PDE6H: variants seen among roughly 807,000 people sequenced by gnomAD.
PDE6H encodes phosphodiesterase 6H.
Under a neutral mutation model 9.2 loss-of-function variants are expected in PDE6H, and 11 were observed. That is an observed-to-expected ratio of 1.19 (90% CI 0.75 to 1.97). The LOEUF (loss-of-function observed/expected upper bound fraction) is 1.97. Ranked by LOEUF, PDE6H falls within the 30% of genes most tolerant of loss-of-function variation. The probability of loss-of-function intolerance (pLI) is 0.00; values close to 1 mark genes in which losing one functional copy is unlikely to be tolerated. For missense variants in PDE6H, 98 were observed against 101.5 expected (o/e 0.97, Z 0.15); for synonymous variants, 36 against 33.6 (o/e 1.07, Z -0.25).
intron 1 of PDE6H, among the ~76,000 whole-genome samples, chr12:14,976,085 G>T (rs12817970): frequency 0.013 from 2,043 of 152,248 alleles, 33 homozygotes; most frequent in Admixed American, 0.022. Context: ...CTCCCAAAGT[G>T]CTGGGATTAC....
rs1048126855 is a variant in PDE6H, at chr12:14,981,656, A to C, written c.*180A>C. On this transcript the variant is annotated 3_prime_UTR_variant, in exon 4 of 4. Coordinates refer to ENST00000266395, the MANE Select transcript of PDE6H (RefSeq NM_006205.3). ...ACTGTCAGAATCTCTCTTGCAGTACAGCTCAAAATAGTGGATGCATTTCAA... is the reference window on the plus strand; with the variant it reads ...ACTGTCAGAATCTCTCTTGCAGTACCGCTCAAAATAGTGGATGCATTTCAA... The C allele has an allele frequency of 3.1e-6, 2 of 643,224 alleles. No individual in the cohort carries two copies. The highest frequency in any genetic ancestry group is 2.8e-6 in the Non-Finnish European group (1 of 355,280). The allele number at this position is 643,224 out of a possible 1,614,324, so 39.8% of individuals were successfully genotyped here. A position where few individuals can be genotyped will look rare whatever the true frequency, so the allele number is the denominator to read the frequency against.
intron 2 of PDE6H, 67 bp from the exon 3 acceptor site, chr12:14,979,112 C>A: frequency 9.9e-7 from 1 of 1,010,214 alleles, no homozygotes; most frequent in Non-Finnish European, 1.6e-6. Context: ...AGAAACTCTC[C>A]ATGTGAGTGA....
At chr12:14,979,155 T>C in intron 2 of PDE6H, 24 bp from the exon 3 acceptor site, 2 of 1,575,318 alleles carry the variant, frequency 1.3e-6, no homozygotes, top group Non-Finnish European at 8.7e-7. Flanking sequence ...TCTCAGCTAA[T>C]TTCTCCTTTA....
At chr12:14,980,980 C>T (rs1178327148) in intron 3 of PDE6H, among the ~76,000 whole-genome samples, 1 of 152,128 alleles carries the variant, frequency 6.6e-6, no homozygotes, top group Non-Finnish European at 1.5e-5. Context: ...GAGAAGAAAC[C>T]GATCTAGATT....
intron 1 of PDE6H, 28 bp downstream of exon 1, chr12:14,973,114 T>A (rs1406647825): frequency 6.6e-6 from 1 of 152,136 alleles, no homozygotes; most frequent in South Asian, 2.1e-4. Flanking sequence ...TCTGGTGAAT[T>A]TGAGCAGGAT....
At position 14,974,827 on chromosome 12, in the gene PDE6H, A is replaced by G. The variant is rs981675274; in HGVS notation, c.-42+1741A>G. 3.3e-5 allele frequency among the ~76,000 whole-genome samples: 5 copies of G among 152,248 alleles called. No homozygotes were observed. The East Asian group carries it at 9.6e-4, about 29-fold the overall frequency. ...CTTCAGCAGTTGGCCCAGAGGAAGGAGGTGCAGAGTCCAGGTGAACAAGTG... is the reference window on the plus strand; with the variant it reads ...CTTCAGCAGTTGGCCCAGAGGAAGGGGGTGCAGAGTCCAGGTGAACAAGTG... On this transcript the variant is annotated intron_variant, in intron 1 of 3. Coordinates refer to ENST00000266395, the MANE Select transcript of PDE6H (RefSeq NM_006205.3).
chr12:14,974,196 TA>T (rs1280145469), intron 1 of PDE6H, among the ~76,000 whole-genome samples: 1 of 152,242 alleles, frequency 6.6e-6, no homozygotes, highest in East Asian at 1.9e-4. Context: ...TCAAGTCTGA[TA>T]ATACATTTAA....
At chr12:14,979,023 C>G (rs1864639886) in intron 2 of PDE6H, among the ~76,000 whole-genome samples, 156 bp from the exon 3 acceptor site, 2 of 152,190 alleles carry the variant, frequency 1.3e-5, no homozygotes, top group Non-Finnish European at 2.9e-5. Flanking sequence ...GTGACATTTT[C>G]TTTGCTCCAG....
chr12:14,981,480 G>T lies in PDE6H; in HGVS notation c.*4G>T, dbSNP rs756549577. On this transcript the variant is annotated 3_prime_UTR_variant, in exon 4 of 4. Coordinates refer to ENST00000266395, the MANE Select transcript of PDE6H (RefSeq NM_006205.3). ...CGCTCAGTTTGGGATTATCTGAAGT[G>T]CCAGAGGTTCTGCCACTCTCAATGA... 55 of 1,608,506 alleles carry T rather than the reference G, an allele frequency of 3.4e-5. No individual in the cohort carries two copies. The highest frequency in any genetic ancestry group is 4.6e-5 in the Non-Finnish European group (54 of 1,174,970).
rs188852626 is a variant in PDE6H at position 14,981,150 on chromosome 12, C to T, written c.176-250C>T. On this transcript the variant is annotated intron_variant, in intron 3 of 3. Transcript: ENST00000266395. ...CAGTGGGCTGTACCCCACAGGGAAC[C>T]CCCCAGTCAACAGCTGTGGATCACC... 6.6e-5 allele frequency among the ~76,000 whole-genome samples: 10 copies of T among 152,306 alleles called. No individual in the cohort carries two copies. In the East Asian group the frequency reaches 7.7e-4, roughly 12 times the overall value.
At chr12:14,973,444 T>A (rs1864548538) in intron 1 of PDE6H, among the ~76,000 whole-genome samples, 1 of 152,142 alleles carries the variant, frequency 6.6e-6, no homozygotes, top group African/African-American at 2.4e-5. Context: ...AACAGTTCTT[T>A]ACTCCCAGGA....
At chr12:14,977,905 A>G (rs1565472113) in intron 1 of PDE6H, 67 bp from the exon 2 acceptor site, 4 of 1,092,360 alleles carry the variant, frequency 3.7e-6, no homozygotes, top group East Asian at 2.4e-5. Flanking sequence ...GCCTGAAATA[A>G]AGATCTAATA....
At chr12:14,975,847 G>T (rs1864585811) in intron 1 of PDE6H, among the ~76,000 whole-genome samples, 1 of 144,568 alleles carries the variant, frequency 6.9e-6, no homozygotes, top group Non-Finnish European at 1.5e-5. Flanking sequence ...TGGAGACGGG[G>T]TCTTGCCCTG....
At chr12:14,978,177 A>G (rs1864626555) in intron 2 of PDE6H, 31 bp downstream of exon 2, 7 of 1,602,186 alleles carry the variant, frequency 4.4e-6, no homozygotes, top group Non-Finnish European at 6.0e-6. Flanking sequence ...AAAACTTTCT[A>G]TTACTTTCTT....
At position 14,980,970 on chromosome 12, in the gene PDE6H, G is replaced by A. The variant is rs1032875902; in HGVS notation, c.176-430G>A. Among the ~76,000 whole-genome samples the A allele has an allele frequency of 1.5e-4, 23 of 152,210 alleles. 1 individual carries two copies. Among genetic ancestry groups the A allele is most frequent in the Non-Finnish European group, 2.9e-5 (2 of 68,042 alleles). ...ATGTAAAGGAATAGAAGAACAATTA[G>A]AGAAGAAACCGATCTAGATTGGTAG... On this transcript the variant is annotated intron_variant, in intron 3 of 3. Transcript: ENST00000266395.
rs1301331898 is a variant in PDE6H at position 14,974,945 on chromosome 12, A to G, written c.-42+1859A>G. ...TTGAACACTTTGTACCACTCTACTT[A>G]TATTGTCTTCCTAAAATTTCCCCAT... On this transcript the variant is annotated intron_variant, in intron 1 of 3. Coordinates refer to ENST00000266395, the MANE Select transcript of PDE6H (RefSeq NM_006205.3). Among the ~76,000 whole-genome samples the G allele has an allele frequency of 3.3e-5, 5 of 152,176 alleles. No individual in the cohort carries two copies. In the East Asian group the frequency reaches 9.6e-4, roughly 29 times the overall value.
At chr12:14,979,419 G>A (rs778208731) in intron 3 of PDE6H, among the ~76,000 whole-genome samples, 200 bp downstream of exon 3, 1 of 152,170 alleles carries the variant, frequency 6.6e-6, no homozygotes, top group Non-Finnish European at 1.5e-5. Context: ...AAAGAAATCA[G>A]GGTAGGCCCA....
intron 1 of PDE6H, among the ~76,000 whole-genome samples, chr12:14,975,099 T>C (rs1441089476): frequency 6.6e-6 from 1 of 152,180 alleles, no homozygotes; most frequent in Non-Finnish European, 1.5e-5. Context: ...ATCAGTTTGA[T>C]TCTAAAGAGT....
chr12:14,975,846 G>C (rs1864585772), intron 1 of PDE6H, among the ~76,000 whole-genome samples: 1 of 149,834 alleles, frequency 6.7e-6, no homozygotes, highest in Non-Finnish European at 1.5e-5. Flanking sequence ...TTGGAGACGG[G>C]GTCTTGCCCT....
Sources: allele counts gnomAD v4.1 joint callset (sites outside exome capture counted in the v4.1 genomes callset), GRCh38; gene constraint gnomAD v4.1.1; transcripts MANE v1.5; gene names NCBI Gene and HGNC (gene_info 2026-07-23, HGNC 2026-07-21).